Variants in SRCAP observed in about 807,000 individuals in gnomAD.
The protein encoded by SRCAP is Snf2 related CREBBP activator protein.
SRCAP carries 46 observed loss-of-function variants against 263.1 expected under a neutral mutation model. That is an observed-to-expected ratio of 0.17 (90% CI 0.14 to 0.22). SRCAP has a LOEUF of 0.22. SRCAP is among the 10% of genes least tolerant of loss of function. The pLI is 1.00. For synonymous variants in SRCAP, 1,813 were observed against 1,662.1 expected (o/e 1.09, Z -2.21); for missense variants, 3,695 against 4,181.9 (o/e 0.88, Z 3.21).
chr16:30,699,706 C>G (rs1283329952), intron 1 of SRCAP, among the ~76,000 whole-genome samples: 1 of 151,746 alleles, frequency 6.6e-6, no homozygotes, highest in Non-Finnish European at 1.5e-5. Context: ...TTTGAACTTT[C>G]TTTCTTCACT....
At chr16:30,717,725 C>T (rs1470233690) in intron 18 of SRCAP, among the ~76,000 whole-genome samples, 2 of 149,486 alleles carry the variant, frequency 1.3e-5, no homozygotes, top group African/African-American at 4.9e-5. Flanking sequence ...CAATTTTCCA[C>T]AGCCTCCCGA....
chr16:30,735,190 A>G (rs1396209885), intron 31 of SRCAP, among the ~76,000 whole-genome samples: 2 of 126,648 alleles, frequency 1.6e-5, no homozygotes, highest in Non-Finnish European at 3.1e-5. Context: ...TCTGTCGCCC[A>G]GGCTGGAGTG....
chr16:30,728,851 G>C, intron 25 of SRCAP, 115 bp from the exon 26 acceptor site: 2 of 1,248,162 alleles, frequency 1.6e-6, no homozygotes, highest in Non-Finnish European at 2.2e-6. Flanking sequence ...AAAAAGCATA[G>C]TGTATTTTTG....
chr16:30,728,864 T>G (rs2151296301), intron 25 of SRCAP, 102 bp from the exon 26 acceptor site: 2 of 1,364,772 alleles, frequency 1.5e-6, no homozygotes, highest in South Asian at 3.2e-5. Flanking sequence ...TATTTTTGGA[T>G]CCCATGGTTT....
In SRCAP at chr16:30,739,716, C is replaced by T. The variant is rs746006737; in HGVS notation, c.9676C>T (p.Arg3226Cys). 26 of 1,492,702 alleles carry T rather than the reference C, an allele frequency of 1.7e-5. No individual in the cohort carries two copies. Among genetic ancestry groups the T allele is most frequent in the Admixed American group, 1.5e-4 (6 of 40,872 alleles). 92.5% of individuals were successfully genotyped at this position (1,492,702 alleles called of 1,614,324 possible). Reference protein sequence around the residue: ...LAGPAVSHRGRKAKT With the variant: ...LAGPAVSHRGCKAKT ...TGGCCCTGCTGTTAGTCACAGAGGC[C>T]GCAAGGCCAAGACGTGAGTGGGCTG... Residue 3226 changes from arginine (R) to cysteine (C), a missense_variant, in exon 34 of 34, where the codon CGC (arginine) becomes TGC (cysteine). Arg to Cys is a radical substitution (Grantham distance 180). Around this residue, in one of 12 missense-constraint regions of SRCAP, gnomAD observed 1,207 missense variants for 1,142.9 expected, o/e 1.06. Coordinates refer to ENST00000262518, the MANE Select transcript of SRCAP (RefSeq NM_006662.3).
In SRCAP at chr16:30,724,807, G is replaced by A. The variant is rs1369133809; in HGVS notation, c.5383G>A (p.Val1795Ile). ...GACACTGACCTTGAGCCCTGCCCCA[G>A]TTCCTACCCTGGGCCCGGCCGCAGC... ...VQTLTLSPAPVPTLGPAAAQT... is the reference protein window; with the variant it reads ...VQTLTLSPAPIPTLGPAAAQT... Residue 1795 changes from valine to isoleucine, a missense_variant, in exon 25 of 34, where the codon GTT (valine) becomes ATT (isoleucine). By Grantham distance (29) the Val-to-Ile change is conservative (BLOSUM62 3). Around this residue, in one of 12 missense-constraint regions of SRCAP, gnomAD observed 1,347 missense variants for 1,304.4 expected, o/e 1.03. Coordinates refer to ENST00000262518, the MANE Select transcript of SRCAP (RefSeq NM_006662.3). 4 of 1,613,582 alleles carry A rather than the reference G, an allele frequency of 2.5e-6. No homozygotes were observed. The highest frequency in any genetic ancestry group is 2.5e-6 in the Non-Finnish European group (3 of 1,179,760).
At chr16:30,712,232 A>G (rs1345885654) in intron 12 of SRCAP, 30 bp from the exon 13 acceptor site, 16 of 1,595,832 alleles carry the variant, frequency 1.0e-5, no homozygotes, top group Middle Eastern at 1.7e-4. Context: ...CCTCATTTCC[A>G]TTGTGTTACC....
chr16:30,716,686 C>T (rs549003580), intron 18 of SRCAP, among the ~76,000 whole-genome samples: 1 of 152,080 alleles, frequency 6.6e-6, no homozygotes, highest in Non-Finnish European at 1.5e-5. Flanking sequence ...AGGATGTAAC[C>T]CCATCGTAAA....
Position 30,723,928 on chromosome 16 carries a change from G to A in SRCAP, c.4504G>A (p.Ala1502Thr), listed in dbSNP as rs1316991242. ...SLAPSGASPS[A>T]SALTLGLATA... ...GGCACCATCTGGTGCTTCCCCGTCAGCATCAGCCTTGACTCTAGGTTTGGC... is the reference window on the plus strand; with the variant it reads ...GGCACCATCTGGTGCTTCCCCGTCAACATCAGCCTTGACTCTAGGTTTGGC... Residue 1502 changes from alanine (A) to threonine (T), a missense_variant, in exon 25 of 34, where the codon GCA becomes ACA. Coordinates refer to ENST00000262518, the MANE Select transcript of SRCAP (RefSeq NM_006662.3). 3.7e-6 allele frequency: 6 copies of A among 1,614,102 alleles called. No homozygotes were observed. The highest frequency in any genetic ancestry group is 4.2e-6 in the Non-Finnish European group (5 of 1,180,026).
Position 30,733,580 on chromosome 16 carries a change from C to CT in SRCAP, c.6298-15dup, listed in dbSNP as rs751626705. 5 of 1,605,606 alleles carry CT rather than the reference C, an allele frequency of 3.1e-6. No homozygotes were observed. The highest frequency in any genetic ancestry group is 2.7e-5 in the African/African-American group (2 of 74,640). ...TGGGGGATAAGTCTCCCAGTATCAT[C>CT]TTTTTTTCCCTTTCCTTCTAGGCCT... is the stretch of plus-strand genomic sequence containing the variant. On this transcript the variant is annotated intron_variant, in intron 28 of 33. Transcript: ENST00000262518. The surrounding 1 kb of genome is among the most constrained non-coding windows in gnomAD (Gnocchi z 5.3).
intron 25 of SRCAP, chr16:30,726,106 G>C (rs2053062017): frequency 6.6e-6 from 1 of 152,038 alleles, no homozygotes; most frequent in Non-Finnish European, 1.5e-5. Flanking sequence ...CTCTAGTTTT[G>C]CCTATGGAGT....
rs746097881 is a variant in SRCAP, at chr16:30,738,044, G to A, written c.8004G>A (p.Leu2668=). ...AASDEPLQEP[L]EADRTSEELT... ...CTGATGAGCCACTTCAGGAGCCACT[G>A]GAGGCTGACAGGACCTCGGAAGAGC... The change falls in exon 34 of 34, where the codon CTG becomes CTA. Residue 2668 remains leucine, a synonymous_variant. Coordinates refer to ENST00000262518, the MANE Select transcript of SRCAP (RefSeq NM_006662.3). 2 of 1,614,156 alleles carry A rather than the reference G, an allele frequency of 1.2e-6. No homozygotes were observed. The highest frequency in any genetic ancestry group is 1.7e-5 in the Admixed American group (1 of 60,026).
intron 25 of SRCAP, among the ~76,000 whole-genome samples, chr16:30,727,415 C>T (rs1357949048): frequency 6.6e-6 from 1 of 152,068 alleles, no homozygotes; most frequent in Non-Finnish European, 1.5e-5. Flanking sequence ...TTTTTTGAGA[C>T]AGTGTCTCAC....
At chr16:30,699,323 A>G (rs938279078) in intron 1 of SRCAP, 81 bp downstream of exon 1, 12 of 397,818 alleles carry the variant, frequency 3.0e-5, no homozygotes, top group African/African-American at 2.3e-4. Flanking sequence ...TTCCTTAAAC[A>G]CTGGGGAAGC....
Position 30,700,685 on chromosome 16 carries a change from G to C in SRCAP, c.-140G>C, listed in dbSNP as rs1055632562. On this transcript the variant is annotated 5_prime_UTR_variant, in exon 3 of 34. Coordinates refer to ENST00000262518, the MANE Select transcript of SRCAP (RefSeq NM_006662.3). The stretch of plus-strand genomic sequence containing the variant: ...GGTGGGCCCCGGGCCCTGGAAGGCG[G>C]GTCCCGGTGGCCGGTGGCCCAGAAT... The C allele has an allele frequency of 6.7e-6, 5 of 747,042 alleles. No individual in the cohort carries two copies. The East Asian group carries it at 1.4e-4, about 21-fold the overall frequency. 46.3% of individuals were successfully genotyped at this position (747,042 alleles called of 1,614,324 possible). A position where few individuals can be genotyped will look rare whatever the true frequency, so the allele number is the denominator to read the frequency against.
rs755835433 is a variant in SRCAP, at chr16:30,723,189, T to G, written c.4119T>G (p.Pro1373=). 1 of 1,613,884 alleles carries G rather than the reference T, an allele frequency of 6.2e-7. No homozygotes were observed. The highest frequency in any genetic ancestry group is 8.5e-7 in the Non-Finnish European group (1 of 1,179,848). The change falls in exon 24 of 34, where the codon CCT becomes CCG. Residue 1373 remains proline (P), a synonymous_variant. Coordinates refer to ENST00000262518, the MANE Select transcript of SRCAP (RefSeq NM_006662.3). ...APMPTPTLVR[P]LLKLVHSPSP... ...TGCCCACACCCACTCTGGTGAGGCCTCTTCTCAAGCTGGTCCACAGTCCTT... is the reference window on the plus strand; with the variant it reads ...TGCCCACACCCACTCTGGTGAGGCCGCTTCTCAAGCTGGTCCACAGTCCTT...
At chr16:30,732,473 A>G (rs1386296241) in intron 27 of SRCAP, among the ~76,000 whole-genome samples, 1 of 151,618 alleles carries the variant, frequency 6.6e-6, no homozygotes, top group Non-Finnish European at 1.5e-5. Flanking sequence ...AAGGAAAAGG[A>G]AAAAAATAAA....
chr16:30,711,240 T>A, intron 10 of SRCAP, 152 bp downstream of exon 10: 1 of 675,186 alleles, frequency 1.5e-6, no homozygotes, highest in Non-Finnish European at 2.6e-6. Context: ...TAATGATAAG[T>A]AGAAAGTGAT....
chr16:30,700,688 CCCGGTGG>C lies in SRCAP; in HGVS notation c.-127_-121del. ...GGGCCCCGGGCCCTGGAAGGCGGGT[CCCGGTGG>C]CCGGTGGCCCAGAATGAGGCCAGCT... On this transcript the variant is annotated 5_prime_UTR_variant, in exon 3 of 34. Coordinates refer to ENST00000262518, the MANE Select transcript of SRCAP (RefSeq NM_006662.3). The C allele has an allele frequency of 1.3e-6, 1 of 770,246 alleles. No homozygotes were observed. Among genetic ancestry groups the C allele is most frequent in the Non-Finnish European group, 2.0e-6 (1 of 489,958 alleles). The allele number at this position is 770,246 out of a possible 1,614,324, so 47.7% of individuals were successfully genotyped here. A position where few individuals can be genotyped will look rare whatever the true frequency, so the allele number is the denominator to read the frequency against.
Sources: allele counts gnomAD v4.1 joint callset (sites outside exome capture counted in the v4.1 genomes callset), GRCh38; gene constraint gnomAD v4.1.1; regional missense constraint gnomAD v4.1.1; non-coding constraint Gnocchi (gnomAD v3.1); transcripts MANE v1.5; gene names NCBI Gene and HGNC (gene_info 2026-07-23, HGNC 2026-07-21).